VAV2: variants seen among roughly 807,000 people sequenced by gnomAD.
VAV2 encodes vav guanine nucleotide exchange factor 2, also known as guanine nucleotide exchange factor VAV2.
VAV2 carries 67 observed loss-of-function variants against 132.5 expected under a neutral mutation model. The observed-to-expected ratio is 0.51, with a 90% CI of 0.42 to 0.62. The LOEUF (loss-of-function observed/expected upper bound fraction) is 0.62. Among genes scored for constraint, VAV2 ranks in the 20% least tolerant of loss-of-function variants. The pLI is 0.00. For synonymous variants in VAV2, 492 were observed against 443.5 expected, an observed-to-expected ratio of 1.11 and a Z score of -1.37; for missense variants, 938 against 1,153.6, an observed-to-expected ratio of 0.81 and a Z score of 2.71.
chr9:133,768,973 G>T lies in VAV2; in HGVS notation c.2435-377C>A, dbSNP rs76439140. 6.6e-6 allele frequency among the ~76,000 whole-genome samples: 1 copy of T among 152,080 alleles called. No individual in the cohort carries two copies. Among genetic ancestry groups the T allele is most frequent in the East Asian group, 1.9e-4 (1 of 5,194 alleles). ...GGTGACAATGACCATGGCTGAGGGC[G>T]AAACACACACAGCTGCTGGGAAGGG... On this transcript the variant is annotated intron_variant, in intron 28 of 29. Transcript: ENST00000371850. The surrounding 1 kb of genome is among the most constrained non-coding windows in gnomAD (Gnocchi z 5.3).
chr9:133,915,910 GCA>G (rs941244842), intron 2 of VAV2, among the ~76,000 whole-genome samples: 7 of 145,880 alleles, frequency 4.8e-5, no homozygotes, highest in East Asian at 2.0e-4. Context: ...ATGCACACGT[GCA>G]CACACAATGC....
chr9:133,791,195 TC>T (rs1488088620), intron 13 of VAV2, among the ~76,000 whole-genome samples: 1 of 152,058 alleles, frequency 6.6e-6, no homozygotes, highest in Non-Finnish European at 1.5e-5. Context: ...GGGTGGCGCA[TC>T]CCCTCTCCCC....
intron 2 of VAV2, among the ~76,000 whole-genome samples, chr9:133,906,997 G>A (rs902812844): frequency 1.3e-5 from 2 of 152,198 alleles, no homozygotes; most frequent in African/African-American, 4.8e-5. Context: ...AGTGATGGCC[G>A]CTATGCTGCT....
intron 2 of VAV2, among the ~76,000 whole-genome samples, chr9:133,872,615 C>T (rs573966153): frequency 1.3e-5 from 2 of 152,238 alleles, no homozygotes; most frequent in Admixed American, 6.5e-5. Flanking sequence ...GGGTCAGAGT[C>T]GCTTTGTGCA....
At chr9:133,881,917 G>A (rs1045234589) in intron 2 of VAV2, among the ~76,000 whole-genome samples, 10 of 152,162 alleles carry the variant, frequency 6.6e-5, no homozygotes, top group African/African-American at 1.9e-4. Context: ...CTGCCAGGGC[G>A]CCTGGCACAG....
At chr9:133,827,327 ACTGGGG>A (rs1333228236) in intron 4 of VAV2, among the ~76,000 whole-genome samples, 177 of 14,732 alleles carry the variant, frequency 0.012, no homozygotes, top group Middle Eastern at 0.071. Context: ...TGCTGTGCCC[ACTGGGG>A]CTGACCACTG....
At chr9:133,786,576 T>C (rs1355127215) in intron 16 of VAV2, among the ~76,000 whole-genome samples, 4 of 152,174 alleles carry the variant, frequency 2.6e-5, no homozygotes, top group Admixed American at 6.5e-5. Flanking sequence ...ACTTCCTAAA[T>C]GTGATGCTAA....
At chr9:133,776,220 C>A in intron 23 of VAV2, 140 bp from the exon 24 acceptor site, 2 of 1,249,216 alleles carry the variant, frequency 1.6e-6, no homozygotes, top group Non-Finnish European at 2.1e-6. Context: ...AGCCCCAGCG[C>A]CCCTGGCCTG....
chr9:133,931,138 G>A (rs1218990739), intron 2 of VAV2, among the ~76,000 whole-genome samples: 4 of 152,182 alleles, frequency 2.6e-5, no homozygotes, highest in Non-Finnish European at 1.5e-5. Flanking sequence ...CAGAGAAGCA[G>A]CATCAGACTT....
At chr9:133,914,676 AAGGGATGGGGGAGGGAAG>A in intron 2 of VAV2, among the ~76,000 whole-genome samples, 1 of 18,826 alleles carries the variant, frequency 5.3e-5, no homozygotes, top group African/African-American at 2.7e-4. Context: ...GGGAGGAAGC[AAGGGATGGGGGAGGGAAG>A]CGGGAGGGGA....
At chr9:133,990,214 G>A (rs892988014) in intron 1 of VAV2, among the ~76,000 whole-genome samples, 5 of 152,072 alleles carry the variant, frequency 3.3e-5, no homozygotes, top group South Asian at 2.1e-4. Context: ...CGCCCTCCAC[G>A]AGTCCGGCAG....
intron 1 of VAV2, among the ~76,000 whole-genome samples, chr9:133,955,497 GTCCC>G (rs1403418467): frequency 7.4e-5 from 5 of 67,620 alleles, no homozygotes; most frequent in Non-Finnish European, 1.4e-4. Context: ...ATGCTCCTCA[GTCCC>G]TCCAATGCCC....
rs368959243 is a variant in VAV2, at chr9:133,769,526, G to T, written c.2348-23C>A. 4.4e-6 allele frequency: 7 copies of T among 1,602,418 alleles called. No individual in the cohort carries two copies. In the African/African-American group the frequency reaches 5.4e-5, roughly 12 times the overall value. On this transcript the variant is annotated intron_variant, in intron 27 of 29. Transcript: ENST00000371850. The surrounding 1 kb of genome is among the most constrained non-coding windows in gnomAD (Gnocchi z 8.1). ...AAGCTGCAAAGAGGCGAGAGAGAAC[G>T]TGAGGCGGGCAGCAGGGCATCCACG...
chr9:133,904,143 G>C (rs1267984279), intron 2 of VAV2, among the ~76,000 whole-genome samples: 1 of 152,130 alleles, frequency 6.6e-6, no homozygotes, highest in Non-Finnish European at 1.5e-5. Flanking sequence ...GAGCGAATGG[G>C]GCTCCAGCCC....
At chr9:133,866,397 C>G (rs1411860591) in intron 2 of VAV2, among the ~76,000 whole-genome samples, 1 of 152,190 alleles carries the variant, frequency 6.6e-6, no homozygotes, top group Admixed American at 6.5e-5. Context: ...CTCACAAGAA[C>G]CTCCAAGCAA....
At chr9:133,789,887 T>C in intron 13 of VAV2, among the ~76,000 whole-genome samples, 1 of 152,250 alleles carries the variant, frequency 6.6e-6, no homozygotes, top group East Asian at 1.9e-4. Flanking sequence ...GTTCCCTGCG[T>C]GGCTTTCAAA....
intron 2 of VAV2, among the ~76,000 whole-genome samples, chr9:133,906,408 A>G (rs1222920640): frequency 6.6e-6 from 1 of 152,188 alleles, no homozygotes. Context: ...GGCCCATCAC[A>G]GTCCTCCGGG....
rs897080639 is a variant in VAV2, at chr9:133,833,325, T to C, written c.449+947A>G. Among the ~76,000 whole-genome samples, 13 of 152,260 alleles carry C rather than the reference T, an allele frequency of 8.5e-5. No homozygotes were observed. The highest frequency in any genetic ancestry group is 1.6e-4 in the Non-Finnish European group (11 of 68,010). On this transcript the variant is annotated intron_variant, in intron 4 of 29. Transcript: ENST00000371850. The surrounding 1 kb of genome is among the most constrained non-coding windows in gnomAD (Gnocchi z 5.6). Reference sequence around the variant, plus strand: ...CCAGCATACACAGCAGGCACTCCCATACACGCAGCTCCCCCTCTTACTCCT... The same window carrying C: ...CCAGCATACACAGCAGGCACTCCCACACACGCAGCTCCCCCTCTTACTCCT...
intron 3 of VAV2, among the ~76,000 whole-genome samples, chr9:133,860,563 GC>G (rs1837555324): frequency 6.6e-6 from 1 of 151,984 alleles, no homozygotes. Flanking sequence ...TCAGGGTAAG[GC>G]CCCTTCCCAA....
Sources: gnomAD v4.1 joint callset for allele counts (sites outside exome capture counted in the v4.1 genomes callset) on GRCh38, gnomAD v4.1.1 for gene constraint, Gnocchi (gnomAD v3.1) non-coding constraint, MANE v1.5 for transcripts, NCBI Gene and HGNC (gene_info 2026-07-23, HGNC 2026-07-21) for gene names.